LRFN2: variants seen among roughly 807,000 people sequenced by gnomAD.
LRFN2 encodes the protein leucine-rich repeat and fibronectin type-III domain-containing protein 2.
LRFN2 carries 18 observed loss-of-function variants against 37.3 expected under a neutral mutation model. The observed-to-expected ratio is 0.48, with a 90% confidence interval of 0.33 to 0.72. LRFN2 has a LOEUF of 0.72. Among genes scored for constraint, LRFN2 ranks in the 30% least tolerant of loss-of-function variants. The pLI is 0.02. For synonymous variants in LRFN2, 556 were observed against 466.6 expected (o/e 1.19, Z -2.47); for missense variants, 1,006 against 1,060.7 (o/e 0.95, Z 0.72).
chr6:40,414,311 C>T (rs1216624325), intron 2 of LRFN2, among the ~76,000 whole-genome samples: 2 of 152,108 alleles, frequency 1.3e-5, no homozygotes, highest in Non-Finnish European at 2.9e-5. Flanking sequence ...ACCCTGAAGC[C>T]AGTCTGCTTG....
intron 1 of LRFN2, among the ~76,000 whole-genome samples, chr6:40,559,819 C>T (rs1199925723): frequency 6.6e-6 from 1 of 152,180 alleles, no homozygotes; most frequent in Non-Finnish European, 1.5e-5. Flanking sequence ...GACGGGCTCC[C>T]CAGTCTTATT....
chr6:40,579,371 C>T (rs546255512), intron 1 of LRFN2, among the ~76,000 whole-genome samples: 6 of 152,208 alleles, frequency 3.9e-5, no homozygotes, highest in South Asian at 2.1e-4. Flanking sequence ...TAAATTGGGA[C>T]GATGACCCCA....
intron 1 of LRFN2, among the ~76,000 whole-genome samples, chr6:40,564,548 G>C (rs1771304): frequency 0.51 from 77,190 of 151,704 alleles, 19,970 homozygotes; most frequent in Middle Eastern, 0.61. Flanking sequence ...ACCTAAGAAG[G>C]TCCAGCACCT....
chr6:40,435,042 T>TAGAGAGAG, intron 1 of LRFN2, among the ~76,000 whole-genome samples: 1 of 91,998 alleles, frequency 1.1e-5, no homozygotes, highest in Non-Finnish European at 2.0e-5. Context: ...TATATATATA[T>TAGAGAGAG]ATATATATAT....
chr6:40,457,046 GCACCCCTCCCCAC>G lies in LRFN2; in HGVS notation c.-18-23928_-18-23916del, dbSNP rs577949117. Reference sequence around the variant, plus strand: ...CCAACCATCCCAAACCACCTCCCCTGCACCCCTCCCCACCACCCTTTCCTCTGTTCTCTCCTCC... The same window carrying G: ...CCAACCATCCCAAACCACCTCCCCTGCACCCTTTCCTCTGTTCTCTCCTCC... On this transcript the variant is annotated intron_variant, in intron 1 of 2. Coordinates refer to ENST00000338305, the MANE Select transcript of LRFN2 (RefSeq NM_020737.3). 1.3e-4 allele frequency among the ~76,000 whole-genome samples: 19 copies of G among 151,792 alleles called. No individual in the cohort carries two copies. The South Asian group carries it at 4.0e-3, about 32-fold the overall frequency.
intron 1 of LRFN2, among the ~76,000 whole-genome samples, chr6:40,440,637 C>T (rs1763812967): frequency 6.6e-6 from 1 of 152,124 alleles, no homozygotes; most frequent in African/African-American, 2.4e-5. Context: ...GGAATTATTG[C>T]CTCCAGAGAA....
At chr6:40,417,505 C>G (rs528557204) in intron 2 of LRFN2, among the ~76,000 whole-genome samples, 1 of 152,176 alleles carries the variant, frequency 6.6e-6, no homozygotes, top group Non-Finnish European at 1.5e-5. Context: ...ACAGCACACA[C>G]CTAATGAGCT....
intron 1 of LRFN2, among the ~76,000 whole-genome samples, chr6:40,568,934 A>G (rs994439187): frequency 5.3e-5 from 8 of 152,178 alleles, no homozygotes; most frequent in African/African-American, 1.9e-4. Flanking sequence ...GGATAAAGAA[A>G]CTAAGACACG....
chr6:40,444,111 C>T lies in LRFN2; in HGVS notation c.-18-10980G>A, dbSNP rs538732790. 6.6e-5 allele frequency among the ~76,000 whole-genome samples: 10 copies of T among 152,274 alleles called. No individual in the cohort carries two copies. In the South Asian group the frequency reaches 2.1e-3, roughly 32 times the overall value. On this transcript the variant is annotated intron_variant, in intron 1 of 2. Transcript: ENST00000338305. ...GTAGTTGCCCGCACAGGTCAGCCTACCCGGGCACAGAGCAGGGCAGTTAAA... is the reference window on the plus strand; with the variant it reads ...GTAGTTGCCCGCACAGGTCAGCCTATCCGGGCACAGAGCAGGGCAGTTAAA...
intron 1 of LRFN2, among the ~76,000 whole-genome samples, chr6:40,507,232 C>T (rs796349750): frequency 4.6e-5 from 7 of 152,146 alleles, no homozygotes; most frequent in African/African-American, 9.7e-5. Flanking sequence ...TCTACTGACA[C>T]GTCAAACTAG....
intron 1 of LRFN2, among the ~76,000 whole-genome samples, chr6:40,491,345 C>T (rs1765089810): frequency 6.6e-6 from 1 of 152,224 alleles, no homozygotes; most frequent in South Asian, 2.1e-4. Flanking sequence ...AGGTGTGGCT[C>T]TTGCCCTTGT....
intron 1 of LRFN2, among the ~76,000 whole-genome samples, chr6:40,549,767 G>A (rs1448845695): frequency 6.6e-6 from 1 of 152,172 alleles, no homozygotes; most frequent in East Asian, 1.9e-4. Context: ...GCCAGGAGTG[G>A]TGGCTCACAC....
intron 2 of LRFN2, among the ~76,000 whole-genome samples, chr6:40,421,299 A>G (rs1253469296): frequency 6.6e-6 from 1 of 152,194 alleles, no homozygotes; most frequent in African/African-American, 2.4e-5. Context: ...TGCCAAGGTT[A>G]AGGACATGCC....
intron 1 of LRFN2, among the ~76,000 whole-genome samples, chr6:40,586,553 G>A (rs946006773): frequency 6.6e-6 from 1 of 152,040 alleles, no homozygotes; most frequent in African/African-American, 2.4e-5. Context: ...CCCAGCAATG[G>A]CTCTAGCCAG....
At chr6:40,540,607 G>A (rs1175974313) in intron 1 of LRFN2, among the ~76,000 whole-genome samples, 3 of 152,278 alleles carry the variant, frequency 2.0e-5, no homozygotes, top group Middle Eastern at 3.4e-3. Flanking sequence ...TGCCCTGAGG[G>A]GCTGCCAACT....
At chr6:40,490,111 C>G (rs928130926) in intron 1 of LRFN2, among the ~76,000 whole-genome samples, 3 of 152,148 alleles carry the variant, frequency 2.0e-5, no homozygotes, top group Admixed American at 6.5e-5. Context: ...TGCAGCAAGC[C>G]CAGGAGAGAA....
intron 1 of LRFN2, among the ~76,000 whole-genome samples, chr6:40,558,843 C>T (rs1232245673): frequency 6.6e-6 from 1 of 152,158 alleles, no homozygotes; most frequent in African/African-American, 2.4e-5. Context: ...GGTTATGTAA[C>T]CTACCCAAGA....
chr6:40,563,695 C>T (rs1298087646), intron 1 of LRFN2, among the ~76,000 whole-genome samples: 1 of 152,164 alleles, frequency 6.6e-6, no homozygotes, highest in East Asian at 1.9e-4. Context: ...ATTTCCTGGG[C>T]TGCCAAGAAA....
intron 1 of LRFN2, among the ~76,000 whole-genome samples, chr6:40,479,732 G>T (rs894373221): frequency 6.6e-6 from 1 of 152,144 alleles, no homozygotes; most frequent in Non-Finnish European, 1.5e-5. Context: ...GCTCAGGGCC[G>T]CTGGCTCCCC....
Sources: gnomAD v4.1 joint callset for allele counts (sites outside exome capture counted in the v4.1 genomes callset) on GRCh38, gnomAD v4.1.1 for gene constraint, MANE v1.5 for transcripts, NCBI Gene and HGNC (gene_info 2026-07-23, HGNC 2026-07-21) for gene names.